HMCN1: variants seen among roughly 807,000 people sequenced by gnomAD.
HMCN1 encodes the protein hemicentin-1.
HMCN1 carries 321 observed loss-of-function variants against 625.9 expected under a neutral mutation model. The ratio of observed to expected loss-of-function variants is 0.51; its 90% CI spans 0.47 to 0.56. The LOEUF (loss-of-function observed/expected upper bound fraction) is 0.56. Ranked by LOEUF, HMCN1 falls within the 20% of genes least tolerant of loss-of-function variation. The probability of loss-of-function intolerance (pLI) is 0.00; values close to 1 mark genes in which losing one functional copy is unlikely to be tolerated. For missense variants in HMCN1, 6,588 were observed against 6,887.3 expected (o/e 0.96, Z 1.54); for synonymous variants, 2,425 against 2,417.6 (o/e 1.00, Z -0.09).
chr1:186,125,753 A>G lies in HMCN1; in HGVS notation c.12649A>G (p.Thr4217Ala), dbSNP rs138440972. 57 of 1,613,410 alleles carry G rather than the reference A, an allele frequency of 3.5e-5. No individual in the cohort carries two copies. The African/African-American group carries it at 6.5e-4, about 18-fold the overall frequency. Residue 4217 changes from threonine (T) to alanine (A), a missense_variant, in exon 82 of 107, where the codon ACT (threonine) becomes GCT (alanine). Around this residue, in one of 3 missense-constraint regions of HMCN1, gnomAD observed 1,954 missense variants for 2,013.1 expected, o/e 0.97. Coordinates refer to ENST00000271588, the MANE Select transcript of HMCN1 (RefSeq NM_031935.3). ...TTTAGCTAACTTGTTAGGAAAATAC[A>G]CTGCTGAACCATATGGAGAACTCAT... Reference protein sequence around the residue: ...VLLANLLGKYTAEPYGELILE... With the variant: ...VLLANLLGKYAAEPYGELILE...
At chr1:185,923,799 G>C in intron 8 of HMCN1, 146 bp downstream of exon 8, 1 of 706,826 alleles carries the variant, frequency 1.4e-6, no homozygotes, top group South Asian at 1.8e-5. Context: ...TACATGTACG[G>C]TAACACAGTT....
intron 40 of HMCN1, 136 bp downstream of exon 40, chr1:186,041,272 C>A (rs1656188385): frequency 1.2e-6 from 1 of 842,402 alleles, no homozygotes; most frequent in Non-Finnish European, 1.9e-6. Context: ...CAATTCAAAT[C>A]AAATTCTCTT....
At chr1:186,015,580 G>C (rs1654315001) in intron 31 of HMCN1, 143 bp downstream of exon 31, 5 of 859,706 alleles carry the variant, frequency 5.8e-6, no homozygotes, top group Non-Finnish European at 9.1e-6. Flanking sequence ...TTTGTTCCAT[G>C]ATTTGGAAAA....
At position 186,076,505 on chromosome 1, in the gene HMCN1, A is replaced by G; in HGVS notation, c.8368A>G (p.Ile2790Val). ...TGRNGEAKDVIINNPISLYCE... is the reference protein window; with the variant it reads ...TGRNGEAKDVVINNPISLYCE... ...CAGGAATGGTGAAGCCAAAGATGTG[A>G]TCATCAACAATCCCATTTCTCTTTA... The change falls in exon 54 of 107, where the codon ATC becomes GTC. Residue 2790 changes from isoleucine to valine, a missense_variant. Ile to Val is a conservative substitution (Grantham distance 29, BLOSUM62 3). Coordinates refer to ENST00000271588, the MANE Select transcript of HMCN1 (RefSeq NM_031935.3). 6.2e-7 allele frequency: 1 copy of G among 1,613,772 alleles called. No homozygotes were observed. Among genetic ancestry groups the G allele is most frequent in the Non-Finnish European group, 8.5e-7 (1 of 1,179,816 alleles).
At chr1:185,886,788 G>T (rs1177937165) in intron 4 of HMCN1, among the ~76,000 whole-genome samples, 1 of 152,006 alleles carries the variant, frequency 6.6e-6, no homozygotes, top group African/African-American at 2.4e-5. Flanking sequence ...ACCCAATCCA[G>T]TAAGATAAGC....
chr1:186,067,460 G>C (rs908650960), intron 49 of HMCN1, among the ~76,000 whole-genome samples: 2 of 152,012 alleles, frequency 1.3e-5, no homozygotes, highest in Admixed American at 1.3e-4. Flanking sequence ...ATCGTTTAAG[G>C]CTCACTTTAA....
At position 185,865,922 on chromosome 1, in the gene HMCN1, C is replaced by A; in HGVS notation, c.621+59C>A. The A allele has an allele frequency of 1.9e-6, 3 of 1,562,404 alleles. No individual in the cohort carries two copies. The South Asian group carries it at 3.3e-5, about 17-fold the overall frequency. ...AGCTGCCTTATCAAAATCAGTTAGG[C>A]CAGCCTAATTATGACAGATTTGATT... is the stretch of plus-strand genomic sequence containing the variant. On this transcript the variant is annotated intron_variant, in intron 4 of 106. Coordinates refer to ENST00000271588, the MANE Select transcript of HMCN1 (RefSeq NM_031935.3).
Position 186,136,900 on chromosome 1 carries a change from G to A in HMCN1, c.13545G>A (p.Met4515Ile). 2 of 1,613,964 alleles carry A rather than the reference G, an allele frequency of 1.2e-6. No individual in the cohort carries two copies. The highest frequency in any genetic ancestry group is 1.7e-6 in the Non-Finnish European group (2 of 1,179,928). The change falls in exon 87 of 107, where the codon ATG (methionine) becomes ATA (isoleucine). Residue 4515 changes from methionine to isoleucine, a missense_variant. Transcript: ENST00000271588. The part of the protein sequence containing the change: ...SEFECVARNL[M>I]GSVLVRVPVI... Reference sequence around the variant, plus strand: ...TTGAATGTGTTGCTCGAAACTTAATGGGTTCTGTCCTTGTCAGAGTGCCAG... The same window carrying A: ...TTGAATGTGTTGCTCGAAACTTAATAGGTTCTGTCCTTGTCAGAGTGCCAG...
chr1:186,106,655 G>A (rs1010261553), intron 69 of HMCN1, among the ~76,000 whole-genome samples: 2 of 152,052 alleles, frequency 1.3e-5, no homozygotes, highest in African/African-American at 2.4e-5. Context: ...TATACTTAAC[G>A]TACAAACATT....
chr1:186,162,913 T>A (rs909511916), intron 97 of HMCN1, among the ~76,000 whole-genome samples: 2 of 152,214 alleles, frequency 1.3e-5, no homozygotes, highest in Non-Finnish European at 2.9e-5. Flanking sequence ...AGCTGCGTGC[T>A]GGGAGAACCA....
At chr1:186,026,827 A>G (rs1571737889) in intron 36 of HMCN1, among the ~76,000 whole-genome samples, 1 of 151,534 alleles carries the variant, frequency 6.6e-6, no homozygotes, top group African/African-American at 2.4e-5. Flanking sequence ...TAGAGATGGG[A>G]TTTCACCATG....
At chr1:186,159,837 G>A (rs368174720) in intron 97 of HMCN1, among the ~76,000 whole-genome samples, 2 of 152,124 alleles carry the variant, frequency 1.3e-5, no homozygotes, top group East Asian at 1.9e-4. Flanking sequence ...ATTTTATTGA[G>A]GATTTTTGCA....
intron 19 of HMCN1, among the ~76,000 whole-genome samples, chr1:185,985,043 T>A (rs909561371): frequency 6.6e-6 from 1 of 152,188 alleles, no homozygotes; most frequent in African/African-American, 2.4e-5. Context: ...AGTAGTTGAT[T>A]TATTCTTTAT....
chr1:185,740,862 C>G (rs1008334349), intron 1 of HMCN1, among the ~76,000 whole-genome samples: 1 of 151,994 alleles, frequency 6.6e-6, no homozygotes, highest in African/African-American at 2.4e-5. Context: ...GGCATGGTGG[C>G]ACGTGCCTAT....
chr1:186,059,828 C>G (rs1245922667), intron 46 of HMCN1, among the ~76,000 whole-genome samples: 1 of 151,778 alleles, frequency 6.6e-6, no homozygotes, highest in African/African-American at 2.4e-5. Context: ...CTGTCAGAAC[C>G]CATTTTTGGT....
intron 8 of HMCN1, among the ~76,000 whole-genome samples, chr1:185,924,376 G>T (rs12057384): frequency 1.3e-5 from 2 of 151,608 alleles, no homozygotes; most frequent in South Asian, 2.1e-4. Flanking sequence ...GACTACAGGC[G>T]CCTGCCACCT....
chr1:185,892,639 G>A (rs1665187126), intron 4 of HMCN1, among the ~76,000 whole-genome samples: 1 of 152,194 alleles, frequency 6.6e-6, no homozygotes, highest in Non-Finnish European at 1.5e-5. Context: ...CGGGGGTCAG[G>A]GACCCACTTG....
In HMCN1 at chr1:186,093,593, A is replaced by G; in HGVS notation, c.10120A>G (p.Ile3374Val). The G allele has an allele frequency of 1.9e-6, 3 of 1,613,492 alleles. No individual in the cohort carries two copies. The highest frequency in any genetic ancestry group is 2.5e-6 in the Non-Finnish European group (3 of 1,179,652). ...AGCCACAGGGACGCCTCCACCACAG[A>G]TAAACTGGCTGAAGAATGGACTTCC... ...CRATGTPPPQ[I>V]NWLKNGLPLP... The change falls in exon 66 of 107, where the codon ATA becomes GTA. Residue 3374 changes from isoleucine to valine, a missense_variant. Ile to Val is a conservative substitution (Grantham distance 29). This residue lies in a region of HMCN1 where 4,628 missense variants were observed against 4,853.1 expected (regional missense o/e 0.95). Coordinates refer to ENST00000271588, the MANE Select transcript of HMCN1 (RefSeq NM_031935.3).
chr1:185,790,828 T>G (rs1657939060), intron 1 of HMCN1, among the ~76,000 whole-genome samples: 1 of 152,216 alleles, frequency 6.6e-6, no homozygotes, highest in African/African-American at 2.4e-5. Flanking sequence ...GATTAACTTT[T>G]TCTTCCAAGA....
Sources: allele counts gnomAD v4.1 joint callset (sites outside exome capture counted in the v4.1 genomes callset), GRCh38; gene constraint gnomAD v4.1.1; regional missense constraint gnomAD v4.1.1; transcripts MANE v1.5; gene names NCBI Gene and HGNC (gene_info 2026-07-23, HGNC 2026-07-21).